ASH1L: variants seen among roughly 807,000 people sequenced by gnomAD.
ASH1L encodes the protein histone-lysine N-methyltransferase ASH1L.
ASH1L carries 23 observed loss-of-function variants against 269.0 expected under a neutral mutation model. The ratio of observed to expected loss-of-function variants is 0.09; its 90% confidence interval spans 0.06 to 0.12. The LOEUF (loss-of-function observed/expected upper bound fraction) is 0.12. Ranked by LOEUF, ASH1L falls within the 10% of genes least tolerant of loss-of-function variation. The probability of loss-of-function intolerance (pLI) is 1.00; values close to 1 mark genes in which losing one functional copy is unlikely to be tolerated. For missense variants in ASH1L, 2,912 were observed against 3,567.8 expected (o/e 0.82, Z 4.68); for synonymous variants, 1,187 against 1,253.5 (o/e 0.95, Z 1.12).
At chr1:155,375,294 C>A (rs997544428) in intron 10 of ASH1L, among the ~76,000 whole-genome samples, 13 of 152,140 alleles carry the variant, frequency 8.5e-5, no homozygotes, top group Non-Finnish European at 1.3e-4. Context: ...GAGTTCAAGG[C>A]ATTGAAATAT....
At chr1:155,543,142 T>A (rs1211829903) in intron 1 of ASH1L, among the ~76,000 whole-genome samples, 2 of 152,090 alleles carry the variant, frequency 1.3e-5, no homozygotes, top group Admixed American at 6.6e-5. Context: ...TAGAAGGAAA[T>A]CCTTTCCTAT....
At chr1:155,533,919 G>C (rs1669864613) in intron 1 of ASH1L, among the ~76,000 whole-genome samples, 1 of 151,956 alleles carries the variant, frequency 6.6e-6, no homozygotes, top group Admixed American at 6.6e-5. Context: ...TTCAACAAAT[G>C]TTTTCTGAGA....
chr1:155,453,966 G>A (rs909851630), intron 4 of ASH1L, among the ~76,000 whole-genome samples: 5 of 152,192 alleles, frequency 3.3e-5, no homozygotes, highest in Admixed American at 2.0e-4. Flanking sequence ...TTAGCGGGGC[G>A]TGGTGGCAGG....
At chr1:155,515,626 G>A (rs550566576) in intron 2 of ASH1L, among the ~76,000 whole-genome samples, 6 of 151,894 alleles carry the variant, frequency 4.0e-5, no homozygotes, top group East Asian at 3.9e-4. Context: ...TCAGGAATTC[G>A]AGACCATCCT....
intron 2 of ASH1L, among the ~76,000 whole-genome samples, chr1:155,490,101 T>A (rs1316402453): frequency 6.6e-6 from 1 of 151,708 alleles, no homozygotes; most frequent in African/African-American, 2.4e-5. Context: ...CCCAAGTAGC[T>A]GGGACTACGC....
intron 10 of ASH1L, among the ~76,000 whole-genome samples, chr1:155,376,907 T>C (rs1024887044): frequency 3.3e-5 from 5 of 151,588 alleles, no homozygotes; most frequent in African/African-American, 1.2e-4. Flanking sequence ...TAACTCATAA[T>C]TCTTTTTTTT....
chr1:155,492,804 T>A (rs1004649311), intron 2 of ASH1L, among the ~76,000 whole-genome samples: 9 of 152,100 alleles, frequency 5.9e-5, no homozygotes, highest in African/African-American at 2.2e-4. Flanking sequence ...ATTACTGAGA[T>A]TTAACTCACA....
intron 7 of ASH1L, among the ~76,000 whole-genome samples, chr1:155,384,985 A>G (rs1224450170): frequency 1.3e-5 from 2 of 152,012 alleles, no homozygotes; most frequent in African/African-American, 4.8e-5. Flanking sequence ...TACGCTGAGT[A>G]ATATGTATTA....
At chr1:155,508,496 A>G (rs1327405761) in intron 2 of ASH1L, among the ~76,000 whole-genome samples, 1 of 152,132 alleles carries the variant, frequency 6.6e-6, no homozygotes, top group Non-Finnish European at 1.5e-5. Context: ...AAAATTAGCC[A>G]GACATGATGG....
At chr1:155,485,021 G>C (rs1414283292) in intron 2 of ASH1L, among the ~76,000 whole-genome samples, 5 of 151,100 alleles carry the variant, frequency 3.3e-5, no homozygotes, top group Non-Finnish European at 1.5e-5. Context: ...CACTTTGTGA[G>C]GCCAAGACGG....
At chr1:155,411,586 A>AATAAATAAATATATATAT (rs1297131961) in intron 6 of ASH1L, among the ~76,000 whole-genome samples, 51 of 55,142 alleles carry the variant, frequency 9.2e-4, no homozygotes, top group Admixed American at 1.5e-3. Context: ...TAAATAAATA[A>AATAAATAAATATATATAT]ATATATATAT....
chr1:155,447,145 T>G (rs1663100091), intron 4 of ASH1L, among the ~76,000 whole-genome samples: 1 of 152,184 alleles, frequency 6.6e-6, no homozygotes, highest in African/African-American at 2.4e-5. Flanking sequence ...GGAGGAAGCT[T>G]TCAGTCTTTC....
intron 12 of ASH1L, among the ~76,000 whole-genome samples, chr1:155,361,518 CAAAAAAAAAAAAAA>C (rs1161207568): frequency 5.5e-5 from 2 of 36,380 alleles, no homozygotes; most frequent in Non-Finnish European, 8.8e-5. Context: ...CTCCATCTCA[CAAAAAAAAAAAAAA>C]AAAAAAAAAA....
rs1421051916 is a variant in ASH1L, at chr1:155,480,440, G to C, written c.2430C>G (p.Ser810=). 6.2e-7 allele frequency: 1 copy of C among 1,613,958 alleles called. No individual in the cohort carries two copies. The highest frequency in any genetic ancestry group is 1.3e-5 in the African/African-American group (1 of 74,912). The change falls in exon 3 of 28, where the codon TCC becomes TCG. Residue 810 remains serine (S), a synonymous_variant. Transcript: ENST00000392403. ...GGTCACTAGAGACACACATACTGGAGGATAGTTTGTGAGTAGCAAAAGACT... is the reference window on the plus strand; with the variant it reads ...GGTCACTAGAGACACACATACTGGACGATAGTTTGTGAGTAGCAAAAGACT... ...SHKSFATHKL[S]SSMCVSSDLL...
chr1:155,427,409 G>A (rs1661242154), intron 5 of ASH1L, among the ~76,000 whole-genome samples: 2 of 152,012 alleles, frequency 1.3e-5, no homozygotes, highest in Admixed American at 1.3e-4. Context: ...CCGGGTCCAA[G>A]CGATTGTCCT....
intron 10 of ASH1L, among the ~76,000 whole-genome samples, chr1:155,376,305 T>C (rs573110101): frequency 2.0e-5 from 3 of 152,294 alleles, no homozygotes; most frequent in East Asian, 1.9e-4. Flanking sequence ...AACTAAAACA[T>C]TGATTCCCTT....
chr1:155,433,246 A>G (rs1661750937), intron 5 of ASH1L: 1 of 1,552,032 alleles, frequency 6.4e-7, no homozygotes. Flanking sequence ...GTGATGGGCC[A>G]GGGGGGCCGG....
In ASH1L at chr1:155,480,311, T is replaced by G; in HGVS notation, c.2559A>C (p.Lys853Asn). Residue 853 changes from lysine (K) to asparagine (N), a missense_variant, in exon 3 of 28, where the codon AAA becomes AAC. Coordinates refer to ENST00000392403, the MANE Select transcript of ASH1L (RefSeq NM_018489.3). ...CTTCCTTAGACTGTAAAGAAAACAC[T>G]TTAGAAGCAGGGATTTTTAAAGTCC... is the stretch of plus-strand genomic sequence containing the variant. ...PKRTLKIPAS[K>N]VFSLQSKEEQ... 6.2e-7 allele frequency: 1 copy of G among 1,614,012 alleles called. No homozygotes were observed. The highest frequency in any genetic ancestry group is 8.5e-7 in the Non-Finnish European group (1 of 1,179,922).
chr1:155,532,123 ACAGGCAAACTCAAT>A (rs1360623457), intron 1 of ASH1L, among the ~76,000 whole-genome samples: 1 of 152,188 alleles, frequency 6.6e-6, no homozygotes, highest in Admixed American at 6.5e-5. Flanking sequence ...CTTCACTCAA[ACAGGCAAACTCAAT>A]ATTCATCTCA....
Sources: allele counts gnomAD v4.1 joint callset (sites outside exome capture counted in the v4.1 genomes callset), GRCh38; gene constraint gnomAD v4.1.1; transcripts MANE v1.5; gene names NCBI Gene and HGNC (gene_info 2026-07-23, HGNC 2026-07-21).